Variants in SNX18 observed in about 807,000 individuals in gnomAD.
SNX18 encodes sorting nexin 18, also known as sorting nexin-18.
SNX18 carries 35 observed loss-of-function variants against 48.7 expected under a neutral mutation model. That is an observed-to-expected ratio of 0.72 (90% CI 0.55 to 0.95). The LOEUF (loss-of-function observed/expected upper bound fraction) is 0.95. Ranked by LOEUF, SNX18 falls within the 40% of genes least tolerant of loss-of-function variation. The pLI, the probability that SNX18 is intolerant of heterozygous loss-of-function variation, is 0.00. For missense variants in SNX18, 824 were observed against 871.0 expected (o/e 0.95, Z 0.68); for synonymous variants, 492 against 384.7 (o/e 1.28, Z -3.26).
chr5:54,567,136 G>C, the SNX18 span, among the ~76,000 whole-genome samples: 1 of 152,092 alleles, frequency 6.6e-6, no homozygotes, highest in Non-Finnish European at 1.5e-5. Flanking sequence ...GCTAGCTTGG[G>C]AGCAAAGGTG....
chr5:54,547,205 G>GT (rs1215513331), downstream of SNX18, among the ~76,000 whole-genome samples: 3 of 152,094 alleles, frequency 2.0e-5, no homozygotes, highest in Admixed American at 6.5e-5. Flanking sequence ...ATCACCTACG[G>GT]TTTGGGGAGG....
chr5:54,554,738 A>G, the SNX18 span, among the ~76,000 whole-genome samples: 3 of 152,208 alleles, frequency 2.0e-5, no homozygotes, highest in East Asian at 1.9e-4. Flanking sequence ...TCTTTAATGC[A>G]TCATGCCTTT....
At chr5:54,558,857 T>G in the SNX18 span, among the ~76,000 whole-genome samples, 3 of 152,158 alleles carry the variant, frequency 2.0e-5, no homozygotes, top group Admixed American at 1.3e-4. Flanking sequence ...CTGGTACCCA[T>G]GTTCTAATGA....
At chr5:54,627,491 T>C in the SNX18 span, among the ~76,000 whole-genome samples, 2 of 152,222 alleles carry the variant, frequency 1.3e-5, no homozygotes, top group Non-Finnish European at 2.9e-5. Flanking sequence ...TAGCTCATAG[T>C]GAGTATTCAA....
chr5:54,545,340 A>G lies in SNX18; in HGVS notation c.*1908A>G, dbSNP rs1472872690. On this transcript the variant is annotated 3_prime_UTR_variant, in exon 2 of 2. Coordinates refer to ENST00000381410, the MANE Select transcript of SNX18 (RefSeq NM_001102575.2). ...TTTAAGTTTGAGTCTGTATTGGACA[A>G]ATAAGCACCATGCTTTTCAAATGAT... 1 of 152,200 alleles carries G rather than the reference A, an allele frequency of 6.6e-6. No homozygotes were observed. The highest frequency in any genetic ancestry group is 1.5e-5 in the Non-Finnish European group (1 of 68,012). 9.4% of individuals were successfully genotyped at this position (152,200 alleles called of 1,614,324 possible).
the SNX18 span, among the ~76,000 whole-genome samples, chr5:54,609,028 G>C: frequency 6.6e-6 from 1 of 152,128 alleles, no homozygotes; most frequent in Non-Finnish European, 1.5e-5. Context: ...TTAGTGCATA[G>C]GACTCTGTGA....
intron 1 of SNX18, among the ~76,000 whole-genome samples, chr5:54,530,744 A>ATTTTTTTTTTTTTTTTTTTTTTTTTT (rs70986692): frequency 2.8e-5 from 2 of 72,520 alleles, no homozygotes; most frequent in East Asian, 5.2e-4. Flanking sequence ...AACCACAGAA[A>ATTTTTTTTTTTTTTTTTTTTTTTTTT]TTTTTTTTTT....
chr5:54,603,425 G>T, the SNX18 span, among the ~76,000 whole-genome samples: 32 of 152,040 alleles, frequency 2.1e-4, 1 homozygote, highest in African/African-American at 7.2e-4. Flanking sequence ...TTAACCTAAG[G>T]ACTGTTATCT....
the SNX18 span, among the ~76,000 whole-genome samples, chr5:54,606,314 T>C: frequency 6.6e-6 from 1 of 152,254 alleles, no homozygotes; most frequent in Non-Finnish European, 1.5e-5. Flanking sequence ...AATCTTCTTT[T>C]GCTATTGATT....
the SNX18 span, among the ~76,000 whole-genome samples, chr5:54,590,594 C>G: frequency 6.6e-6 from 1 of 152,190 alleles, no homozygotes; most frequent in Non-Finnish European, 1.5e-5. Context: ...TTATACCTGA[C>G]TAGCTCTCCC....
chr5:54,620,665 G>T, the SNX18 span, among the ~76,000 whole-genome samples: 1 of 152,188 alleles, frequency 6.6e-6, no homozygotes, highest in Non-Finnish European at 1.5e-5. Flanking sequence ...ACTAGAATTT[G>T]GCTGGTACAT....
the SNX18 span, among the ~76,000 whole-genome samples, chr5:54,641,627 T>A: frequency 6.6e-6 from 1 of 152,186 alleles, no homozygotes; most frequent in Non-Finnish European, 1.5e-5. Context: ...CAAAGAGCTT[T>A]GAGTATCTAC....
chr5:54,523,688 A>G (rs1419456989), intron 1 of SNX18, among the ~76,000 whole-genome samples: 1 of 152,092 alleles, frequency 6.6e-6, no homozygotes, highest in Non-Finnish European at 1.5e-5. Flanking sequence ...CCTTTTTTCA[A>G]TAAAAGCCCC....
At position 54,546,039 on chromosome 5, in the gene SNX18, C is replaced by T. The variant is rs1762572812; in HGVS notation, c.*2607C>T. 6.6e-6 allele frequency: 1 copy of T among 152,120 alleles called. No individual in the cohort carries two copies. The highest frequency in any genetic ancestry group is 2.4e-5 in the African/African-American group (1 of 41,424). 9.4% of individuals were successfully genotyped at this position (152,120 alleles called of 1,614,324 possible). Reference sequence around the variant, plus strand: ...ACAGCCATGTGTCGTAATCTTGTTCCCCGTCCAAGCTGTTGTATCTGAAGG... The same window carrying T: ...ACAGCCATGTGTCGTAATCTTGTTCTCCGTCCAAGCTGTTGTATCTGAAGG... On this transcript the variant is annotated 3_prime_UTR_variant, in exon 2 of 2. Coordinates refer to ENST00000381410, the MANE Select transcript of SNX18 (RefSeq NM_001102575.2).
At chr5:54,550,153 C>A (rs1762629118), downstream of SNX18, among the ~76,000 whole-genome samples, 1 of 152,180 alleles carries the variant, frequency 6.6e-6, no homozygotes, top group Non-Finnish European at 1.5e-5. Flanking sequence ...TGTAAGCCAA[C>A]TGAGTTACCC....
chr5:54,518,016 C>A lies in SNX18; in HGVS notation c.64C>A (p.Arg22=). 6.5e-7 allele frequency: 1 copy of A among 1,547,704 alleles called. No homozygotes were observed. ...GGAGAACCCAGGAGAGATCTCGCTG[C>A]GAGAGCACGAGGTGCTGAGCCTGTG... ...RSENPGEISL[R]EHEVLSLCSE... The change falls in exon 1 of 2, where the codon CGA becomes AGA. Residue 22 remains arginine (R), a synonymous_variant. Transcript: ENST00000381410.
At chr5:54,621,354 C>T in the SNX18 span, among the ~76,000 whole-genome samples, 1,552 of 152,254 alleles carry the variant, frequency 0.01, 13 homozygotes, top group Middle Eastern at 0.031. Context: ...TGGGTTCTTG[C>T]CAACTTGTGT....
At chr5:54,644,902 A>T in the SNX18 span, 1 of 151,876 alleles carries the variant, frequency 6.6e-6, no homozygotes, top group Admixed American at 6.6e-5. Flanking sequence ...ACAAAATTAA[A>T]CTCTATCTGG....
the SNX18 span, among the ~76,000 whole-genome samples, chr5:54,592,416 A>G: frequency 6.6e-6 from 1 of 152,204 alleles, no homozygotes; most frequent in Admixed American, 6.5e-5. Context: ...ATTGCTCTCC[A>G]TTTGTGGACA....
Sources: allele counts gnomAD v4.1 joint callset (sites outside exome capture counted in the v4.1 genomes callset), GRCh38; gene constraint gnomAD v4.1.1; transcripts MANE v1.5; gene names NCBI Gene and HGNC (gene_info 2026-07-23, HGNC 2026-07-21).